Variants in FGF14 observed in about 807,000 individuals in gnomAD.
The protein encoded by FGF14 is fibroblast growth factor homologous factor 4.
A neutral mutation model predicts 25.5 loss-of-function variants in FGF14; 5 were observed. That is an observed-to-expected ratio of 0.20 (90% CI 0.10 to 0.41). The LOEUF is 0.41. FGF14 is among the 10% of genes least tolerant of loss of function. The probability of loss-of-function intolerance (pLI) is 1.00; values close to 1 mark genes in which losing one functional copy is unlikely to be tolerated. For missense variants in FGF14, 222 were observed against 320.1 expected (o/e 0.69, Z 2.34); for synonymous variants, 138 against 118.3 (o/e 1.17, Z -1.08).
chr13:102,040,027 C>A (rs1424376917), intron 1 of FGF14, among the ~76,000 whole-genome samples: 1 of 151,988 alleles, frequency 6.6e-6, no homozygotes, highest in Non-Finnish European at 1.5e-5. Context: ...CTCTAAAAGT[C>A]AAACCAAACT....
chr13:101,837,489 T>C (rs573699672), intron 3 of FGF14, among the ~76,000 whole-genome samples: 35 of 152,222 alleles, frequency 2.3e-4, no homozygotes, highest in African/African-American at 7.7e-4. Flanking sequence ...CGTAATGTGC[T>C]GAATAAATGA....
chr13:102,283,948 G>A (rs2141227624), intron 1 of FGF14, among the ~76,000 whole-genome samples: 1 of 152,310 alleles, frequency 6.6e-6, no homozygotes. Flanking sequence ...ATATATGTCA[G>A]TACGTAGTAG....
chr13:102,023,734 T>A (rs1156823186), intron 1 of FGF14, among the ~76,000 whole-genome samples: 1 of 151,960 alleles, frequency 6.6e-6, no homozygotes, highest in Non-Finnish European at 1.5e-5. Flanking sequence ...TTAGAAAAAA[T>A]TTTTAAGGTT....
At chr13:102,122,327 T>C (rs1378324137) in intron 1 of FGF14, among the ~76,000 whole-genome samples, 2 of 152,212 alleles carry the variant, frequency 1.3e-5, no homozygotes, top group Non-Finnish European at 2.9e-5. Flanking sequence ...AACTGGATTA[T>C]CTCGAAATCC....
At chr13:101,772,022 C>A (rs2038805881) in intron 3 of FGF14, among the ~76,000 whole-genome samples, 1 of 151,998 alleles carries the variant, frequency 6.6e-6, no homozygotes, top group African/African-American at 2.4e-5. Flanking sequence ...AACAGCCATT[C>A]ACATTCACAG....
At position 101,916,366 on chromosome 13, in the gene FGF14, C is replaced by T. The variant is rs368293382; in HGVS notation, c.193+87G>A. 2.8e-5 allele frequency: 42 copies of T among 1,525,516 alleles called. 1 individual carries two copies. In the South Asian group the frequency reaches 4.4e-4, roughly 16 times the overall value. 94.5% of individuals were successfully genotyped at this position (1,525,516 alleles called of 1,614,324 possible). ...CGGGGCCGGGGTGGGCCGGGAAAAC[C>T]GAGGGAGGGAAGGAGCCTGGAGAAG... On this transcript the variant is annotated intron_variant, in intron 1 of 4. Transcript: ENST00000376143.
Position 101,875,940 on chromosome 13 carries a change from C to CA in FGF14, c.194-645dup, listed in dbSNP as rs1249427300. ...ACTTGTGAGCTCAGGGGAAACACAG[C>CA]AAACCCACGCATATGAGGTCAGCTC... On this transcript the variant is annotated intron_variant, in intron 1 of 4. Transcript: ENST00000376143. 4.6e-5 allele frequency among the ~76,000 whole-genome samples: 7 copies of CA among 152,064 alleles called. No individual in the cohort carries two copies. In the East Asian group the frequency reaches 1.3e-3, roughly 29 times the overall value.
intron 1 of FGF14, among the ~76,000 whole-genome samples, chr13:102,140,650 A>T (rs2046608491): frequency 6.6e-6 from 1 of 152,218 alleles, no homozygotes; most frequent in African/African-American, 2.4e-5. Flanking sequence ...AAATAGGGAT[A>T]AAGTAGCAGA....
At chr13:102,177,994 C>T (rs919557325) in intron 1 of FGF14, among the ~76,000 whole-genome samples, 1 of 151,888 alleles carries the variant, frequency 6.6e-6, no homozygotes, top group Non-Finnish European at 1.5e-5. Flanking sequence ...CCCAAACCTC[C>T]CCTGACCACA....
chr13:102,391,846 G>A (rs1388849777), intron 1 of FGF14, among the ~76,000 whole-genome samples: 1 of 152,164 alleles, frequency 6.6e-6, no homozygotes, highest in Admixed American at 6.5e-5. Context: ...AGCAGACAGG[G>A]TCCTTTCTTT....
chr13:101,895,442 GTTCA>G (rs1400887736), intron 1 of FGF14, among the ~76,000 whole-genome samples: 13 of 151,910 alleles, frequency 8.6e-5, no homozygotes, highest in Non-Finnish European at 1.5e-4. Context: ...TCCTACTTCT[GTTCA>G]TTCATTCAAA....
intron 3 of FGF14, among the ~76,000 whole-genome samples, chr13:101,860,621 G>A (rs1023598126): frequency 6.6e-6 from 1 of 151,980 alleles, no homozygotes; most frequent in Non-Finnish European, 1.5e-5. Context: ...CTGTTGCCCA[G>A]GCTGGAGTGC....
At chr13:102,018,626 T>C (rs547223363) in intron 1 of FGF14, among the ~76,000 whole-genome samples, 15 of 151,534 alleles carry the variant, frequency 9.9e-5, no homozygotes, top group Non-Finnish European at 1.8e-4. Context: ...CTGAGGTCTC[T>C]TCTTCTTCTT....
chr13:102,324,317 G>A (rs554952216), intron 1 of FGF14, among the ~76,000 whole-genome samples: 24 of 152,112 alleles, frequency 1.6e-4, no homozygotes, highest in South Asian at 1.5e-3. Context: ...GACTGACTGG[G>A]TTCAAATTCT....
chr13:101,729,902 A>G (rs991442683), intron 3 of FGF14, among the ~76,000 whole-genome samples: 6 of 152,188 alleles, frequency 3.9e-5, no homozygotes, highest in African/African-American at 1.4e-4. Context: ...TGACTTACCT[A>G]TAAAATACTA....
chr13:101,759,560 T>C (rs1279105671), intron 3 of FGF14, among the ~76,000 whole-genome samples: 1 of 152,208 alleles, frequency 6.6e-6, no homozygotes, highest in Admixed American at 6.5e-5. Context: ...TCTTAACATC[T>C]GATCCCTAGG....
chr13:102,014,166 T>C lies in FGF14; in HGVS notation c.209-138870A>G, dbSNP rs564978995. ...GCCAAGTTGGAATCACTATTCATAG[T>C]ACCTGAACTGAATAGTGATGTACAC... On this transcript the variant is annotated intron_variant, in intron 1 of 4. Transcript: ENST00000376131. 3.3e-5 allele frequency among the ~76,000 whole-genome samples: 5 copies of C among 152,230 alleles called. No individual in the cohort carries two copies. In the East Asian group the frequency reaches 9.7e-4, roughly 29 times the overall value.
rs535316550 is a variant in FGF14 at position 102,400,117 on chromosome 13, G to T, written c.208+1354C>A. ...CCGCAGGCGGCAGACCCCTCGGAGC[G>T]CGCCACCCCAGCTACGTTGCATTGG... On this transcript the variant is annotated intron_variant, in intron 1 of 4. Transcript: ENST00000376131. This position sits in a 1 kb window ranked among gnomAD's most constrained non-coding sequence, Gnocchi z 4.3. Among the ~76,000 whole-genome samples the T allele has an allele frequency of 1.1e-4, 16 of 150,148 alleles. No homozygotes were observed. In the South Asian group the frequency reaches 3.0e-3, roughly 29 times the overall value.
chr13:101,791,770 CCA>C (rs999928443), intron 3 of FGF14, among the ~76,000 whole-genome samples: 6 of 141,822 alleles, frequency 4.2e-5, no homozygotes, highest in African/African-American at 1.5e-4. Context: ...TCACTGAAAC[CCA>C]CAGTGTAAAA....
Sources: gnomAD v4.1 joint callset for allele counts (sites outside exome capture counted in the v4.1 genomes callset) on GRCh38, gnomAD v4.1.1 for gene constraint, Gnocchi (gnomAD v3.1) non-coding constraint, MANE v1.5 for transcripts, NCBI Gene and HGNC (gene_info 2026-07-23, HGNC 2026-07-21) for gene names.